CACNA1C: variants seen among roughly 807,000 people sequenced by gnomAD.
The protein encoded by CACNA1C is voltage-dependent L-type calcium channel subunit alpha-1C.
CACNA1C carries 30 observed loss-of-function variants against 229.0 expected under a neutral mutation model. The observed-to-expected ratio is 0.13, with a 90% confidence interval of 0.10 to 0.18. CACNA1C has a LOEUF of 0.18. Ranked by LOEUF, CACNA1C falls within the 10% of genes least tolerant of loss-of-function variation. The pLI, the probability that CACNA1C is intolerant of heterozygous loss-of-function variation, is 1.00. For missense variants in CACNA1C, 1,658 were observed against 2,845.0 expected (o/e 0.58, Z 9.49); for synonymous variants, 1,114 against 1,132.5 (o/e 0.98, Z 0.33).
intron 3 of CACNA1C, among the ~76,000 whole-genome samples, chr12:2,305,885 A>G (rs1034246953): frequency 6.6e-6 from 1 of 152,244 alleles, no homozygotes; most frequent in Non-Finnish European, 1.5e-5. Flanking sequence ...AAATTGTGAT[A>G]TAAGGTTTGT....
At position 2,566,473 on chromosome 12, in the gene CACNA1C, A is replaced by C; in HGVS notation, c.1560A>C (p.Ala520=). 6.3e-7 allele frequency: 1 copy of C among 1,596,378 alleles called. No individual in the cohort carries two copies. Among genetic ancestry groups the C allele is most frequent in the Non-Finnish European group, 8.5e-7 (1 of 1,171,462 alleles). ...TCTGCAGAAGGAAGTGCCGCGCCGC[A>C]GTCAAGTCTAATGTCTTCTACTGGC... ...NRFCRRKCRA[A]VKSNVFYWLV... Residue 520 remains alanine (A), a synonymous_variant, in exon 12 of 47, where the codon GCA becomes GCC. Transcript: ENST00000399655. The surrounding 1 kb of genome is among the most constrained non-coding windows in gnomAD (Gnocchi z 4.0).
intron 38 of CACNA1C, among the ~76,000 whole-genome samples, chr12:2,671,047 G>A (rs911709439): frequency 2.0e-5 from 3 of 147,876 alleles, no homozygotes; most frequent in African/African-American, 7.5e-5. Flanking sequence ...ATGGAATCTC[G>A]CTCTGTCGCC....
chr12:2,011,128 G>A (rs1396198730), intron 1 of CACNA1C: 2 of 136,180 alleles, frequency 1.5e-5, no homozygotes, highest in Non-Finnish European at 3.1e-5. Flanking sequence ...TCCGGCCTGG[G>A]AGATAAGAGC....
In CACNA1C at chr12:2,628,328, A is replaced by G. The variant is rs567397903; in HGVS notation, c.3829-5969A>G. Reference sequence around the variant, plus strand: ...AAGAACCTAGCAGTTAACTGTCTACATGAACTCGAGTCTTACAAAATGCAG... The same window carrying G: ...AAGAACCTAGCAGTTAACTGTCTACGTGAACTCGAGTCTTACAAAATGCAG... On this transcript the variant is annotated intron_variant, in intron 29 of 46. Coordinates refer to ENST00000399655, the MANE Select transcript of CACNA1C (RefSeq NM_000719.7). 4.4e-3 allele frequency among the ~76,000 whole-genome samples: 672 copies of G among 152,312 alleles called. 5 individuals carry two copies. Among genetic ancestry groups the G allele is most frequent in the African/African-American group, 0.015 (613 of 41,566 alleles).
intron 8 of CACNA1C, among the ~76,000 whole-genome samples, chr12:2,505,732 A>C (rs1337154828): frequency 6.6e-6 from 1 of 152,126 alleles, no homozygotes; most frequent in African/African-American, 2.4e-5. Context: ...AACGCATAGG[A>C]TATTTCCTCA....
rs996193944 is a variant in CACNA1C, at chr12:2,493,791, G to A, written c.1113+405G>A. 3.3e-5 allele frequency among the ~76,000 whole-genome samples: 5 copies of A among 152,114 alleles called. No individual in the cohort carries two copies. The highest frequency in any genetic ancestry group is 6.5e-5 in the Admixed American group (1 of 15,270). On this transcript the variant is annotated intron_variant, in intron 7 of 46. Transcript: ENST00000399655. The surrounding 1 kb of genome is among the most constrained non-coding windows in gnomAD (Gnocchi z 4.6). ...TAGAAGGCAGAATTATGTATTCTTA[G>A]GGCAGAAGAGAAGAAGTCCTGATCT...
intron 5 of CACNA1C, among the ~76,000 whole-genome samples, chr12:2,470,631 A>G (rs201852863): frequency 2.1e-4 from 32 of 152,308 alleles, no homozygotes; most frequent in African/African-American, 7.2e-4. Flanking sequence ...TTCCTGATCT[A>G]TAAAATGGGG....
At chr12:2,298,707 AGGCCC>A (rs1425041967) in intron 3 of CACNA1C, among the ~76,000 whole-genome samples, 6 of 152,220 alleles carry the variant, frequency 3.9e-5, no homozygotes, top group African/African-American at 1.4e-4. Context: ...TAACTTCTGT[AGGCCC>A]GTGCCCTCTA....
At position 2,677,953 on chromosome 12, in the gene CACNA1C, A is replaced by T. The variant is rs1335715469; in HGVS notation, c.5091+86A>T. ...GGCTGGGGTTTTGCGGGGAACGTCCAGGGGAAGGAGCTGCACCAGAGGAAA... is the reference window on the plus strand; with the variant it reads ...GGCTGGGGTTTTGCGGGGAACGTCCTGGGGAAGGAGCTGCACCAGAGGAAA... On this transcript the variant is annotated intron_variant, in intron 41 of 46. Transcript: ENST00000399655. The surrounding 1 kb of genome is among the most constrained non-coding windows in gnomAD (Gnocchi z 7.4). 19 of 1,489,818 alleles carry T rather than the reference A, an allele frequency of 1.3e-5. 1 individual carries two copies. The South Asian group carries it at 2.3e-4, about 18-fold the overall frequency. The allele number at this position is 1,489,818 out of a possible 1,614,324, so 92.3% of individuals were successfully genotyped here.
In CACNA1C at chr12:2,535,704, T is replaced by TAAAAAAAAA. The variant is rs758857733; in HGVS notation, c.1391-14218_1391-14210dup. ...CTGGGTGACAGAGCAAGACCCTGTC[T>TAAAAAAAAA]AAAAAAAAAAAAAAAAAAAAAAAAA... On this transcript the variant is annotated intron_variant, in intron 9 of 46. Transcript: ENST00000399655. Among the ~76,000 whole-genome samples the TAAAAAAAAA allele has an allele frequency of 2.2e-3, 80 of 36,560 alleles. 1 individual carries two copies. The highest frequency in any genetic ancestry group is 6.3e-3 in the African/African-American group (71 of 11,346). 24.0% of individuals were successfully genotyped at this position (36,560 alleles called of 152,430 possible). A position where few individuals can be genotyped will look rare whatever the true frequency, so the allele number is the denominator to read the frequency against.
chr12:1,976,676 A>G (rs1203939084), intron 1 of CACNA1C, among the ~76,000 whole-genome samples: 1 of 152,188 alleles, frequency 6.6e-6, no homozygotes, highest in East Asian at 1.9e-4. Flanking sequence ...TACTTTAAAT[A>G]TTAGTTTCTT....
chr12:2,327,385 A>G (rs1430212652), intron 3 of CACNA1C, among the ~76,000 whole-genome samples: 1 of 152,260 alleles, frequency 6.6e-6, no homozygotes, highest in African/African-American at 2.4e-5. Context: ...TGACTGAGCA[A>G]GTGGTTGATT....
chr12:2,585,737 A>T lies in CACNA1C; in HGVS notation c.2461-98A>T, dbSNP rs972941041. 1.0e-6 allele frequency: 1 copy of T among 983,486 alleles called. No individual in the cohort carries two copies. Among genetic ancestry groups the T allele is most frequent in the Non-Finnish European group, 1.6e-6 (1 of 628,192 alleles). The allele number at this position is 983,486 out of a possible 1,614,324, so 60.9% of individuals were successfully genotyped here. On this transcript the variant is annotated intron_variant, in intron 17 of 46. Transcript: ENST00000399655. This position sits in a 1 kb window ranked among gnomAD's most constrained non-coding sequence, Gnocchi z 4.1. Reference sequence around the variant, plus strand: ...AGTGACAAGTACCTATTTTTGAGCTAAGTCACTGACTAAAATGCAACTTCA... The same window carrying T: ...AGTGACAAGTACCTATTTTTGAGCTTAGTCACTGACTAAAATGCAACTTCA...
chr12:2,157,399 G>C (rs1359277373), intron 3 of CACNA1C, among the ~76,000 whole-genome samples: 1 of 152,230 alleles, frequency 6.6e-6, no homozygotes, highest in Non-Finnish European at 1.5e-5. Context: ...TGGGGATAAA[G>C]CAAGAGGTCT....
chr12:2,380,862 C>T (rs762541135), intron 3 of CACNA1C, among the ~76,000 whole-genome samples: 1 of 152,108 alleles, frequency 6.6e-6, no homozygotes, highest in African/African-American at 2.4e-5. Flanking sequence ...CATTACAGCA[C>T]GTAAGATGGA....
At position 2,014,587 on chromosome 12, in the gene CACNA1C, GC is replaced by G. The variant is rs543431623; in HGVS notation, c.139+43387del. Among the ~76,000 whole-genome samples the G allele has an allele frequency of 3.3e-5, 5 of 152,284 alleles. No homozygotes were observed. In the South Asian group the frequency reaches 1.0e-3, roughly 32 times the overall value. On this transcript the variant is annotated intron_variant, in intron 1 of 46. Coordinates refer to the CACNA1C transcript ENST00000682462. ...CATAAGCAGGTAATCAAAATAAAGT[GC>G]GTTGAGTGTGAAAAGTTTGGGATGC...
At chr12:2,142,069 TG>T (rs1342580157) in intron 3 of CACNA1C, among the ~76,000 whole-genome samples, 2 of 151,086 alleles carry the variant, frequency 1.3e-5, no homozygotes, top group Non-Finnish European at 3.0e-5. Flanking sequence ...GTCCCTGGTC[TG>T]GTGGGGGACA....
chr12:2,340,437 A>G (rs914681762), intron 3 of CACNA1C, among the ~76,000 whole-genome samples: 1 of 152,238 alleles, frequency 6.6e-6, no homozygotes, highest in Non-Finnish European at 1.5e-5. Context: ...AAACAAGTGA[A>G]TGGGACATAG....
chr12:2,071,835 T>C (rs1248768337), intron 1 of CACNA1C, among the ~76,000 whole-genome samples: 2 of 152,242 alleles, frequency 1.3e-5, no homozygotes, highest in Admixed American at 6.5e-5. Flanking sequence ...GAGTATCTTT[T>C]TCCCTTTATA....
Sources: allele counts gnomAD v4.1 joint callset (sites outside exome capture counted in the v4.1 genomes callset), GRCh38; gene constraint gnomAD v4.1.1; non-coding constraint Gnocchi (gnomAD v3.1); transcripts MANE v1.5; gene names NCBI Gene and HGNC (gene_info 2026-07-23, HGNC 2026-07-21).